The following FAM53A variants were observed in gnomAD, a reference collection of about 807,000 sequenced individuals.
The protein encoded by FAM53A is family with sequence similarity 53 member A, also known as protein FAM53A.
A neutral mutation model predicts 26.6 loss-of-function variants in FAM53A; 28 were observed. The ratio of observed to expected loss-of-function variants is 1.05; its 90% CI spans 0.78 to 1.45. The LOEUF (loss-of-function observed/expected upper bound fraction) is 1.45. FAM53A is among the 40% of genes most tolerant of loss of function. FAM53A has a pLI of 0.00. For synonymous variants in FAM53A, 290 were observed against 253.1 expected (o/e 1.15, Z -1.38); for missense variants, 650 against 575.8 (o/e 1.13, Z -1.32).
At chr4:1,634,421 C>T (rs1164315644) in intron 1 of FAM53A, among the ~76,000 whole-genome samples, 1 of 152,194 alleles carries the variant, frequency 6.6e-6, no homozygotes. Flanking sequence ...CTCAGGGCCA[C>T]CACCTCGGCC....
the FAM53A span, among the ~76,000 whole-genome samples, chr4:1,611,276 T>C: frequency 6.6e-6 from 1 of 152,142 alleles, no homozygotes; most frequent in Non-Finnish European, 1.5e-5. Flanking sequence ...GTGTGGGGTC[T>C]GTCCGTGGGC....
chr4:1,580,257 A>G, the FAM53A span: 1 of 152,308 alleles, frequency 6.6e-6, no homozygotes, highest in East Asian at 1.9e-4. Context: ...GCGGCCGCCG[A>G]ACCAACCGCG....
intron 1 of FAM53A, among the ~76,000 whole-genome samples, chr4:1,677,484 T>C (rs1376453147): frequency 6.6e-6 from 1 of 152,224 alleles, no homozygotes; most frequent in African/African-American, 2.4e-5. Flanking sequence ...TCTTCACGCT[T>C]ATCTCTAAGC....
At chr4:1,626,367 A>C (rs551944978) in intron 1 of FAM53A, among the ~76,000 whole-genome samples, 1 of 152,240 alleles carries the variant, frequency 6.6e-6, no homozygotes, top group Non-Finnish European at 1.5e-5. Context: ...AGCAGAGCCC[A>C]GGGAGCCCGA....
chr4:1,636,160 T>C (rs1374161179), downstream of FAM53A, among the ~76,000 whole-genome samples: 1 of 152,210 alleles, frequency 6.6e-6, no homozygotes, highest in Non-Finnish European at 1.5e-5. Flanking sequence ...ATACTAATTC[T>C]TTGAAATGTA....
intron 1 of FAM53A, chr4:1,683,829 G>A (rs960668049): frequency 3.9e-4 from 59 of 152,170 alleles, no homozygotes; most frequent in African/African-American, 1.3e-3. Flanking sequence ...GAATCTCGGC[G>A]ATTTACACCC....
Position 1,641,353 on chromosome 4 carries a change from C to G in FAM53A, c.1137G>C (p.Glu379Asp), listed in dbSNP as rs1395937132. 1.1e-5 allele frequency: 18 copies of G among 1,610,014 alleles called. No individual in the cohort carries two copies. Among genetic ancestry groups the G allele is most frequent in the Middle Eastern group, 3.3e-4 (2 of 6,054 alleles). The change falls in exon 5 of 5, where the codon GAG becomes GAC. Residue 379 changes from glutamate to aspartate, a missense_variant. Glu to Asp is a conservative substitution (Grantham distance 45). Coordinates refer to ENST00000308132, the MANE Select transcript of FAM53A (RefSeq NM_001174070.3). ...AGCGGGCCCGGGGGAAGACGCCCTC[C>G]TCCCCGACACTGTCCCCATCACGGG... ...GDPRDGDSVG[E>D]EGVFPRARWE...
In FAM53A at chr4:1,677,955, T is replaced by G. The variant is rs140037158; in HGVS notation, c.-165+6278A>C. On this transcript the variant is annotated intron_variant, in intron 1 of 4. Coordinates refer to ENST00000308132, the MANE Select transcript of FAM53A (RefSeq NM_001174070.3). ...GTGAGACTCCATCTCAAAAAATAAA[T>G]AAATAAAGTTTATACAGAGAGGCAA... 4.3e-3 allele frequency among the ~76,000 whole-genome samples: 656 copies of G among 151,762 alleles called. 6 individuals are homozygous for G. The highest frequency in any genetic ancestry group is 0.015 in the African/African-American group (630 of 41,368).
chr4:1,598,102 C>G, the FAM53A span, among the ~76,000 whole-genome samples: 1 of 152,232 alleles, frequency 6.6e-6, no homozygotes, highest in African/African-American at 2.4e-5. Context: ...CAGGCCCAGC[C>G]GAAGGCCACT....
chr4:1,633,058 GCA>G (rs945456193), intron 1 of FAM53A, among the ~76,000 whole-genome samples: 8 of 149,826 alleles, frequency 5.3e-5, no homozygotes, highest in African/African-American at 7.6e-5. Flanking sequence ...ATGCTCATGC[GCA>G]CACACATAGG....
At chr4:1,607,081 C>T in the FAM53A span, among the ~76,000 whole-genome samples, 69,017 of 152,106 alleles carry the variant, frequency 0.45, 16,957 homozygotes, top group Non-Finnish European at 0.55. Context: ...TGCAGTGGCC[C>T]GATCTCAGCT....
Position 1,655,518 on chromosome 4 carries a change from G to A in FAM53A, c.342C>T (p.Ala114=). Residue 114 remains alanine (A), a synonymous_variant, in exon 4 of 5, where the codon GCC becomes GCT. Transcript: ENST00000308132. ...ACCGGCAATGCCGCTTGGTCGGTGG[G>A]GCCGTGGACGAGCCTGTGCTTTCAC... ...DPSESTGSST[A]PPTKRHCRSL... 2 of 1,567,156 alleles carry A rather than the reference G, an allele frequency of 1.3e-6. No individual in the cohort carries two copies. The highest frequency in any genetic ancestry group is 3.8e-5 in the Admixed American group (2 of 53,196).
At chr4:1,654,741 G>A (rs182374388) in intron 4 of FAM53A, among the ~76,000 whole-genome samples, 19 of 152,356 alleles carry the variant, frequency 1.2e-4, no homozygotes, top group African/African-American at 4.1e-4. Context: ...ACCCTGGGCC[G>A]TGTGTGGGGC....
chr4:1,610,315 C>A, the FAM53A span, among the ~76,000 whole-genome samples: 1 of 152,164 alleles, frequency 6.6e-6, no homozygotes, highest in Non-Finnish European at 1.5e-5. Flanking sequence ...CGGACCCCAG[C>A]TGCCTGCCGG....
intron 1 of FAM53A, among the ~76,000 whole-genome samples, chr4:1,618,830 C>T (rs1011202844): frequency 3.3e-5 from 5 of 152,102 alleles, no homozygotes; most frequent in African/African-American, 1.2e-4. Context: ...CAGCCCCGAC[C>T]CCCAGCCCCC....
chr4:1,668,692 A>T lies in FAM53A; in HGVS notation c.50T>A (p.Leu17His). 6.2e-7 allele frequency: 1 copy of T among 1,614,116 alleles called. No homozygotes were observed. Among genetic ancestry groups the T allele is most frequent in the South Asian group, 1.1e-5 (1 of 91,082 alleles). Residue 17 changes from leucine to histidine, a missense_variant, in exon 2 of 5, where the codon CTC (leucine) becomes CAC (histidine). Leu to His is a moderately conservative substitution (Grantham distance 99). Coordinates refer to ENST00000308132, the MANE Select transcript of FAM53A (RefSeq NM_001174070.3). ...EKLQSQSLDD[L>H]TCKAEAGPLQ... is the part of the protein sequence containing the mutation. The stretch of plus-strand genomic sequence containing the variant: ...CGGGCCAGCCTCCGCCTTGCAGGTG[A>T]GGTCGTCCAGGCTCTGGCTCTGCAG...
rs578040660 is a variant in FAM53A, at chr4:1,668,237, G to T, written c.75+430C>A. On this transcript the variant is annotated intron_variant, in intron 2 of 4. Coordinates refer to ENST00000308132, the MANE Select transcript of FAM53A (RefSeq NM_001174070.3). ...TCACTGCAAGCTCCGCCTCCCGGGTGCATGCCATTCTCCTGCCTCAGCCTC... is the reference window on the plus strand; with the variant it reads ...TCACTGCAAGCTCCGCCTCCCGGGTTCATGCCATTCTCCTGCCTCAGCCTC... Among the ~76,000 whole-genome samples the T allele has an allele frequency of 2.3e-3, 348 of 151,910 alleles. 4 individuals are homozygous for T. Among genetic ancestry groups the T allele is most frequent in the Admixed American group, 5.4e-3 (82 of 15,270 alleles).
chr4:1,653,634 G>C (rs749682001), intron 4 of FAM53A, among the ~76,000 whole-genome samples: 4 of 152,212 alleles, frequency 2.6e-5, no homozygotes, highest in Non-Finnish European at 5.9e-5. Context: ...CATAGCAAAA[G>C]ATCAGAGCCT....
chr4:1,680,014 C>T (rs1186447370), intron 1 of FAM53A, among the ~76,000 whole-genome samples: 12 of 122,402 alleles, frequency 9.8e-5, no homozygotes, highest in Non-Finnish European at 2.0e-4. Context: ...CAGGGCAAGA[C>T]TCCGTCTCAG....
Sources: gnomAD v4.1 joint callset for allele counts (sites outside exome capture counted in the v4.1 genomes callset) on GRCh38, gnomAD v4.1.1 for gene constraint, MANE v1.5 for transcripts, NCBI Gene and HGNC (gene_info 2026-07-23, HGNC 2026-07-21) for gene names.